TRPM3: variants seen among roughly 807,000 people sequenced by gnomAD.
The protein encoded by TRPM3 is transient receptor potential cation channel subfamily M member 3, also known as long transient receptor potential channel 3.
Under a neutral mutation model 181.2 loss-of-function variants are expected in TRPM3, and 77 were observed. The ratio of observed to expected loss-of-function variants is 0.42; its 90% CI spans 0.35 to 0.51. The LOEUF is 0.51. TRPM3 is among the 20% of genes least tolerant of loss of function. TRPM3 has a pLI of 0.01. For missense variants in TRPM3, 1,759 were observed against 2,196.7 expected (o/e 0.80, Z 3.98); for synonymous variants, 745 against 796.4 (o/e 0.94, Z 1.09).
intron 1 of TRPM3, among the ~76,000 whole-genome samples, chr9:71,210,283 T>G (rs2131795505): frequency 6.6e-6 from 1 of 152,332 alleles, no homozygotes; most frequent in South Asian, 2.1e-4. Context: ...CGGATGGGGC[T>G]GCCTAGTTGC....
At chr9:70,865,021 TTAAC>T (rs2095616772) in intron 1 of TRPM3, among the ~76,000 whole-genome samples, 1 of 137,492 alleles carries the variant, frequency 7.3e-6, no homozygotes, top group African/African-American at 2.8e-5. Flanking sequence ...TTTTTTCTAA[TTAAC>T]AGTGCTAAGT....
At chr9:71,366,993 T>C (rs1277993506) in intron 1 of TRPM3, among the ~76,000 whole-genome samples, 1 of 152,200 alleles carries the variant, frequency 6.6e-6, no homozygotes, top group Non-Finnish European at 1.5e-5. Context: ...AGGCATTAAC[T>C]TGTATTATGA....
At chr9:70,538,249 ACT>A (rs1400500179) in intron 25 of TRPM3, among the ~76,000 whole-genome samples, 1 of 151,936 alleles carries the variant, frequency 6.6e-6, no homozygotes, top group African/African-American at 2.4e-5. Context: ...TATTGCTAGA[ACT>A]CTCTATCCTC....
chr9:70,980,067 G>GCACGCACACACACACACACACA (rs1554789047), intron 1 of TRPM3, among the ~76,000 whole-genome samples: 2 of 137,888 alleles, frequency 1.5e-5, no homozygotes, highest in African/African-American at 2.9e-5. Flanking sequence ...GCATGTGCGT[G>GCACGCACACACACACACACACA]CACACACACA....
chr9:70,566,221 G>A (rs565769055), intron 22 of TRPM3, among the ~76,000 whole-genome samples: 69 of 152,278 alleles, frequency 4.5e-4, no homozygotes, highest in African/African-American at 1.6e-3. Flanking sequence ...TGTGATGCGG[G>A]AAGCCCACGG....
chr9:70,837,160 G>A (rs2094377893), intron 5 of TRPM3, among the ~76,000 whole-genome samples: 3 of 152,010 alleles, frequency 2.0e-5, no homozygotes, highest in Admixed American at 2.0e-4. Flanking sequence ...TCCATGCCAG[G>A]GCCACTCCTG....
chr9:71,233,018 C>T (rs2081160019), intron 1 of TRPM3, among the ~76,000 whole-genome samples: 1 of 152,110 alleles, frequency 6.6e-6, no homozygotes, highest in Non-Finnish European at 1.5e-5. Flanking sequence ...GAGAGACCTG[C>T]TTCAAGCCCC....
chr9:70,922,861 G>T (rs552640554), intron 1 of TRPM3, among the ~76,000 whole-genome samples: 2 of 152,250 alleles, frequency 1.3e-5, no homozygotes, highest in Non-Finnish European at 2.9e-5. Flanking sequence ...AGGAGATTTT[G>T]CAGGTAACCA....
rs542581530 is a variant in TRPM3 at position 71,199,731 on chromosome 9, A to ATT, written c.183+246920_183+246921dup. On this transcript the variant is annotated intron_variant, in intron 1 of 24. Transcript: ENST00000357533. ...GATCGGTGGTGATATCCCCTTTATC[A>ATT]TTTTTTTTGCGTCTATTTGATTCTT... 1.3e-3 allele frequency among the ~76,000 whole-genome samples: 194 copies of ATT among 149,572 alleles called. 1 individual carries two copies. The highest frequency in any genetic ancestry group is 8.2e-4 in the Non-Finnish European group (55 of 67,452).
intron 1 of TRPM3, among the ~76,000 whole-genome samples, chr9:70,978,485 G>A (rs954955151): frequency 2.0e-5 from 3 of 151,932 alleles, no homozygotes; most frequent in East Asian, 1.9e-4. Context: ...CAAAACTTAC[G>A]CTCTTTCTCT....
rs969812732 is a variant in TRPM3 at position 70,598,130 on chromosome 9, G to A, written c.3048+289C>T. On this transcript the variant is annotated intron_variant, in intron 21 of 25. Transcript: ENST00000677713. ...TCTCTCCCATCAATTTTAATCTCAT[G>A]GAAAGAACATCTTTGTATACCCAAC... 3.3e-5 allele frequency among the ~76,000 whole-genome samples: 5 copies of A among 152,034 alleles called. No individual in the cohort carries two copies. In the South Asian group the frequency reaches 6.2e-4, roughly 19 times the overall value.
intron 1 of TRPM3, among the ~76,000 whole-genome samples, chr9:71,245,861 A>C (rs920735587): frequency 6.6e-6 from 1 of 152,202 alleles, no homozygotes; most frequent in Non-Finnish European, 1.5e-5. Context: ...TAACATTGGA[A>C]AACAGGAGGA....
chr9:71,000,319 C>G (rs1031622255), intron 1 of TRPM3, among the ~76,000 whole-genome samples: 3 of 152,112 alleles, frequency 2.0e-5, no homozygotes, highest in Non-Finnish European at 2.9e-5. Context: ...GTGTTGAATT[C>G]CAACTCATTT....
intron 18 of TRPM3, among the ~76,000 whole-genome samples, 194 bp from the exon 19 acceptor site, chr9:70,610,943 T>C (rs1224078534): frequency 6.6e-6 from 1 of 152,162 alleles, no homozygotes; most frequent in East Asian, 1.9e-4. Context: ...TTGCCTGAGA[T>C]GGAAGGCCTT....
At chr9:71,200,074 C>G (rs1387795583) in intron 1 of TRPM3, among the ~76,000 whole-genome samples, 3 of 152,058 alleles carry the variant, frequency 2.0e-5, no homozygotes, top group Non-Finnish European at 2.9e-5. Flanking sequence ...TATGTTGTGT[C>G]TTTGTTCTCA....
rs533687690 is a variant in TRPM3, at chr9:71,297,638, C to G, written c.183+149015G>C. Among the ~76,000 whole-genome samples, 6 of 152,276 alleles carry G rather than the reference C, an allele frequency of 3.9e-5. No individual in the cohort carries two copies. In the South Asian group the frequency reaches 1.0e-3, roughly 26 times the overall value. ...CATAGGAGAAACTGCTCCCATGATTCAATTACCTCCCACTGGGTCCCTCCC... is the reference window on the plus strand; with the variant it reads ...CATAGGAGAAACTGCTCCCATGATTGAATTACCTCCCACTGGGTCCCTCCC... On this transcript the variant is annotated intron_variant, in intron 1 of 24. Transcript: ENST00000357533.
At chr9:70,949,479 C>A (rs59548237) in intron 1 of TRPM3, among the ~76,000 whole-genome samples, 3 of 151,972 alleles carry the variant, frequency 2.0e-5, no homozygotes, top group Admixed American at 6.6e-5. Context: ...GAAGTGAAAC[C>A]GAAGAGACTG....
At chr9:70,871,403 C>G (rs1157149246) in intron 1 of TRPM3, among the ~76,000 whole-genome samples, 1 of 151,836 alleles carries the variant, frequency 6.6e-6, no homozygotes, top group African/African-American at 2.4e-5. Context: ...TTACCCGATT[C>G]TCTCCAGTCT....
chr9:71,092,136 A>G (rs2066330779), intron 1 of TRPM3, among the ~76,000 whole-genome samples: 1 of 152,132 alleles, frequency 6.6e-6, no homozygotes, highest in Non-Finnish European at 1.5e-5. Flanking sequence ...GATACTTAAT[A>G]AGTACTAAAA....
Sources: gnomAD v4.1 joint callset for allele counts (sites outside exome capture counted in the v4.1 genomes callset) on GRCh38, gnomAD v4.1.1 for gene constraint, MANE v1.5 for transcripts, NCBI Gene and HGNC (gene_info 2026-07-23, HGNC 2026-07-21) for gene names.